The following PRKG1 variants were observed in gnomAD, a reference collection of about 807,000 sequenced individuals.
PRKG1 encodes the protein protein kinase cGMP-dependent 1, also known as cGMP-dependent protein kinase 1.
In PRKG1, 35 loss-of-function variants were observed where a neutral mutation model predicts 88.1. The observed-to-expected ratio is 0.40, with a 90% CI of 0.30 to 0.53. PRKG1 has a LOEUF of 0.53. PRKG1 is among the 20% of genes least tolerant of loss of function. The pLI is 0.59. For synonymous variants in PRKG1, 303 were observed against 292.5 expected (o/e 1.04, Z -0.37); for missense variants, 540 against 839.8 (o/e 0.64, Z 4.41).
intron 2 of PRKG1, among the ~76,000 whole-genome samples, chr10:51,250,034 C>T (rs1175031018): frequency 6.6e-6 from 1 of 151,668 alleles, no homozygotes. Flanking sequence ...AAAACTGAGA[C>T]CCTGGAAGTC....
chr10:51,319,953 C>T, intron 2 of PRKG1: 1 of 225,350 alleles, frequency 4.4e-6, no homozygotes, highest in Non-Finnish European at 9.6e-6. Flanking sequence ...TTATCCCATA[C>T]CATACAACTG....
intron 3 of PRKG1, among the ~76,000 whole-genome samples, chr10:51,799,588 G>C (rs1462333066): frequency 6.6e-6 from 1 of 151,866 alleles, no homozygotes; most frequent in African/African-American, 2.4e-5. Context: ...TTTAGTTACT[G>C]AGCTGTGGGG....
chr10:52,252,365 C>T (rs2132402102), intron 10 of PRKG1: 1 of 152,182 alleles, frequency 6.6e-6, no homozygotes, highest in South Asian at 2.1e-4. Flanking sequence ...TTAAAACTGA[C>T]ATAGTGTCAC....
At chr10:51,279,725 G>A (rs936461868) in intron 2 of PRKG1, among the ~76,000 whole-genome samples, 4 of 151,960 alleles carry the variant, frequency 2.6e-5, no homozygotes, top group African/African-American at 9.7e-5. Context: ...CCATTTGCTG[G>A]GTAGATCTTC....
chr10:52,122,788 G>T (rs1363998347), intron 7 of PRKG1, among the ~76,000 whole-genome samples: 1 of 152,088 alleles, frequency 6.6e-6, no homozygotes, highest in Non-Finnish European at 1.5e-5. Flanking sequence ...GGAATGTAAA[G>T]AATATTATCT....
chr10:51,577,873 A>G (rs1837928375), intron 3 of PRKG1, among the ~76,000 whole-genome samples: 1 of 152,106 alleles, frequency 6.6e-6, no homozygotes, highest in Non-Finnish European at 1.5e-5. Flanking sequence ...GCTTCCTGGA[A>G]TATTGTTCAT....
chr10:51,615,961 T>C (rs1479199367), intron 3 of PRKG1, among the ~76,000 whole-genome samples: 1 of 152,184 alleles, frequency 6.6e-6, no homozygotes, highest in Non-Finnish European at 1.5e-5. Flanking sequence ...ATTTTTAAAA[T>C]TTGCTTTTGT....
intron 9 of PRKG1, among the ~76,000 whole-genome samples, chr10:52,181,419 CTTTTTTTTTTTT>C (rs761799361): frequency 1.1e-4 from 6 of 55,068 alleles, no homozygotes; most frequent in East Asian, 1.2e-3. Context: ...CACAGCTCTT[CTTTTTTTTTTTT>C]TTTTTTTTTT....
chr10:51,483,819 A>C (rs1187652835), intron 3 of PRKG1, among the ~76,000 whole-genome samples: 8 of 152,202 alleles, frequency 5.3e-5, no homozygotes, highest in Non-Finnish European at 1.2e-4. Flanking sequence ...AGGGTTTCAA[A>C]CAATCAGCAG....
intron 3 of PRKG1, among the ~76,000 whole-genome samples, chr10:51,765,668 T>G (rs140297111): frequency 7.9e-4 from 121 of 152,290 alleles, no homozygotes; most frequent in African/African-American, 2.7e-3. Context: ...TCACCTGGAA[T>G]GTACTTTCCT....
intron 2 of PRKG1, among the ~76,000 whole-genome samples, chr10:51,438,988 ACAACT>A (rs1326833532): frequency 1.3e-5 from 2 of 149,780 alleles, no homozygotes; most frequent in East Asian, 3.9e-4. Context: ...CCTGGAACCA[ACAACT>A]AATTGGGATT....
chr10:51,228,409 T>C (rs1224164912), intron 2 of PRKG1, among the ~76,000 whole-genome samples: 1 of 152,200 alleles, frequency 6.6e-6, no homozygotes, highest in Admixed American at 6.5e-5. Flanking sequence ...GTACTGGTTA[T>C]GCAGTTGGTT....
rs142671972 is a variant in PRKG1 at position 52,070,719 on chromosome 10, G to T, written c.935+8088G>T. Among the ~76,000 whole-genome samples, 398 of 152,272 alleles carry T rather than the reference G, an allele frequency of 2.6e-3. 1 individual carries two copies. Among genetic ancestry groups the T allele is most frequent in the African/African-American group, 9.0e-3 (373 of 41,538 alleles). ...ATTTTTAATAGAAGCTGGGCAGATTGTCTCAGATGGTCATGCCATTCTCTA... is the reference window on the plus strand; with the variant it reads ...ATTTTTAATAGAAGCTGGGCAGATTTTCTCAGATGGTCATGCCATTCTCTA... On this transcript the variant is annotated intron_variant, in intron 7 of 17. Transcript: ENST00000373980.
intron 2 of PRKG1, among the ~76,000 whole-genome samples, chr10:51,393,728 T>C (rs1002305919): frequency 2.0e-5 from 3 of 152,140 alleles, no homozygotes; most frequent in Admixed American, 2.0e-4. Flanking sequence ...GCAGTGCTAC[T>C]ATCACGTAGG....
intron 5 of PRKG1, among the ~76,000 whole-genome samples, chr10:52,031,578 T>C (rs962195402): frequency 6.6e-6 from 1 of 152,212 alleles, no homozygotes; most frequent in African/African-American, 2.4e-5. Flanking sequence ...ATATTAGTGT[T>C]TTTAAAATAG....
chr10:51,912,345 G>A (rs1411473807), intron 5 of PRKG1, among the ~76,000 whole-genome samples: 2 of 152,096 alleles, frequency 1.3e-5, no homozygotes, highest in Non-Finnish European at 2.9e-5. Context: ...AGATTTTTAT[G>A]GTTGTAAGTA....
chr10:51,601,721 A>ATTTTT (rs749205610), intron 3 of PRKG1, among the ~76,000 whole-genome samples: 4 of 43,574 alleles, frequency 9.2e-5, no homozygotes, highest in Non-Finnish European at 1.8e-4. Flanking sequence ...GGCAGATTGA[A>ATTTTT]TTTTTTTTTT....
At chr10:51,637,341 A>T (rs1839681684) in intron 3 of PRKG1, among the ~76,000 whole-genome samples, 1 of 152,224 alleles carries the variant, frequency 6.6e-6, no homozygotes, top group East Asian at 1.9e-4. Context: ...TAGTTCAGCC[A>T]TTGTGGAAGA....
intron 3 of PRKG1, among the ~76,000 whole-genome samples, chr10:51,598,547 C>T (rs7070720): frequency 0.28 from 42,103 of 152,166 alleles, 7,393 homozygotes; most frequent in East Asian, 0.84. Context: ...CGTCAGCCAC[C>T]GTGCCTAGCC....
Sources: gnomAD v4.1 joint callset for allele counts (sites outside exome capture counted in the v4.1 genomes callset) on GRCh38, gnomAD v4.1.1 for gene constraint, MANE v1.5 for transcripts, NCBI Gene and HGNC (gene_info 2026-07-23, HGNC 2026-07-21) for gene names.